Variants in GARIN2 observed in about 807,000 individuals in gnomAD.
GARIN2 encodes Golgi-associated RAB2 interactor protein 2.
At chr14:67,192,445 A>T in the GARIN2 span, among the ~76,000 whole-genome samples, 3 of 152,048 alleles carry the variant, frequency 2.0e-5, no homozygotes, top group East Asian at 5.8e-4. Flanking sequence ...GTTAATTATG[A>T]TATCTTAGTA....
At chr14:67,207,187 A>G in the GARIN2 span, among the ~76,000 whole-genome samples, 1 of 152,102 alleles carries the variant, frequency 6.6e-6, no homozygotes, top group Non-Finnish European at 1.5e-5. Context: ...AGGCTGGGCA[A>G]TTAATAAAGA....
the GARIN2 span, among the ~76,000 whole-genome samples, chr14:67,193,387 C>A: frequency 7.3e-6 from 1 of 136,550 alleles, no homozygotes; most frequent in Non-Finnish European, 1.6e-5. Context: ...CTAGATATAT[C>A]TAGATATATC....
the GARIN2 span, among the ~76,000 whole-genome samples, chr14:67,192,757 A>C: frequency 6.7e-6 from 1 of 149,562 alleles, no homozygotes; most frequent in Non-Finnish European, 1.5e-5. Flanking sequence ...TATATATTAC[A>C]CATATTTTAA....
the GARIN2 span, among the ~76,000 whole-genome samples, chr14:67,226,806 C>G: frequency 6.6e-6 from 1 of 152,166 alleles, no homozygotes; most frequent in African/African-American, 2.4e-5. Flanking sequence ...TGATCTGTAC[C>G]TGTTCCTTTG....
At chr14:67,222,098 C>T in the GARIN2 span, 1 of 336,592 alleles carries the variant, frequency 3.0e-6, no homozygotes, top group African/African-American at 2.1e-5. Context: ...AATCATCAAG[C>T]ATAAACCACG....
At chr14:67,203,311 G>T in the GARIN2 span, 2 of 1,545,212 alleles carry the variant, frequency 1.3e-6, no homozygotes, top group Non-Finnish European at 8.8e-7. Context: ...ACAAAGAGAA[G>T]AGGTTAAAGA....
the GARIN2 span, among the ~76,000 whole-genome samples, chr14:67,211,806 T>A: frequency 6.6e-6 from 1 of 152,102 alleles, no homozygotes; most frequent in East Asian, 1.9e-4. Context: ...ATCAAGCCAT[T>A]GCACTCCAGC....
chr14:67,191,601 C>T, the GARIN2 span, among the ~76,000 whole-genome samples: 801 of 152,304 alleles, frequency 5.3e-3, 3 homozygotes, highest in African/African-American at 0.018. Context: ...AGGCACCCCA[C>T]CCCTACCACA....
At chr14:67,192,616 C>A in the GARIN2 span, among the ~76,000 whole-genome samples, 1 of 151,558 alleles carries the variant, frequency 6.6e-6, no homozygotes, top group Non-Finnish European at 1.5e-5. Flanking sequence ...ATTTCTTAAG[C>A]ATCAGTTTAA....
chr14:67,199,440 T>A, the GARIN2 span: 1 of 1,612,936 alleles, frequency 6.2e-7, no homozygotes, highest in East Asian at 2.2e-5. Flanking sequence ...GGGGTCATCT[T>A]ACAAACCCCC....
At chr14:67,218,042 T>G in the GARIN2 span, among the ~76,000 whole-genome samples, 2 of 151,956 alleles carry the variant, frequency 1.3e-5, no homozygotes, top group Admixed American at 1.3e-4. Flanking sequence ...GTTTCTTTAG[T>G]GTTTGCAAGT....
At chr14:67,215,602 G>A in the GARIN2 span, among the ~76,000 whole-genome samples, 1 of 152,106 alleles carries the variant, frequency 6.6e-6, no homozygotes, top group Admixed American at 6.6e-5. Context: ...AGGGATACGG[G>A]AATATAAGAT....
the GARIN2 span, among the ~76,000 whole-genome samples, chr14:67,208,932 C>G: frequency 2.0e-5 from 3 of 147,448 alleles, no homozygotes; most frequent in Admixed American, 2.0e-4. Context: ...AAAAGAAGCA[C>G]GGAAAAAGCA....
chr14:67,205,835 T>A, the GARIN2 span, among the ~76,000 whole-genome samples: 1 of 152,128 alleles, frequency 6.6e-6, no homozygotes, highest in Non-Finnish European at 1.5e-5. Context: ...GCAGGATGGA[T>A]TATAGGTAAA....
the GARIN2 span, among the ~76,000 whole-genome samples, chr14:67,214,268 A>G: frequency 6.6e-6 from 1 of 152,130 alleles, no homozygotes; most frequent in African/African-American, 2.4e-5. Flanking sequence ...GGTATTGCCT[A>G]GGTTTTCTTT....
At chr14:67,204,429 G>A in the GARIN2 span, 1 of 1,381,216 alleles carries the variant, frequency 7.2e-7, no homozygotes, top group African/African-American at 1.5e-5. Context: ...GCAACAGAGT[G>A]AGAACTTGTC....
the GARIN2 span, chr14:67,200,418 G>T: frequency 1.9e-6 from 1 of 529,912 alleles, no homozygotes; most frequent in East Asian, 3.6e-5. Context: ...TGGGGCTAAG[G>T]CACTAATCCC....
the GARIN2 span, among the ~76,000 whole-genome samples, chr14:67,213,353 C>A: frequency 1.5e-5 from 2 of 130,242 alleles, no homozygotes; most frequent in African/African-American, 5.9e-5. Context: ...TGTGATGTTC[C>A]CCTTCCTGTG....
At chr14:67,215,397 T>C in the GARIN2 span, among the ~76,000 whole-genome samples, 1 of 142,188 alleles carries the variant, frequency 7.0e-6, no homozygotes, top group Non-Finnish European at 1.5e-5. Context: ...CCCAGAACAC[T>C]GATCTATTGT....
Sources: allele counts gnomAD v4.1 joint callset (sites outside exome capture counted in the v4.1 genomes callset), GRCh38; gene constraint gnomAD v4.1.1; transcripts MANE v1.5; gene names NCBI Gene and HGNC (gene_info 2026-07-23, HGNC 2026-07-21).